GRIK2: variants seen among roughly 807,000 people sequenced by gnomAD.
GRIK2 encodes glutamate receptor ionotropic, kainate 2.
A neutral mutation model predicts 100.3 loss-of-function variants in GRIK2; 32 were observed. The observed-to-expected ratio is 0.32, with a 90% CI of 0.24 to 0.43. GRIK2 has a LOEUF of 0.43. GRIK2 is among the 20% of genes least tolerant of loss of function. GRIK2 has a pLI of 1.00. For synonymous variants in GRIK2, 417 were observed against 389.4 expected (o/e 1.07, Z -0.83); for missense variants, 843 against 1,114.9 (o/e 0.76, Z 3.47).
chr6:101,808,662 A>G (rs1363128663), intron 9 of GRIK2, among the ~76,000 whole-genome samples: 1 of 152,010 alleles, frequency 6.6e-6, no homozygotes, highest in African/African-American at 2.4e-5. Flanking sequence ...TTAAATGAAA[A>G]TAGACATTGG....
At chr6:101,436,797 AT>A (rs932544642) in intron 2 of GRIK2, among the ~76,000 whole-genome samples, 2 of 150,692 alleles carry the variant, frequency 1.3e-5, no homozygotes, top group African/African-American at 4.8e-5. Flanking sequence ...TATTATTATT[AT>A]TTTTTATTAT....
chr6:101,792,825 C>T (rs1311752743), intron 7 of GRIK2, among the ~76,000 whole-genome samples: 3 of 152,022 alleles, frequency 2.0e-5, no homozygotes, highest in Admixed American at 1.3e-4. Flanking sequence ...TTCCATTCTC[C>T]CCGTCTCTTT....
At chr6:101,502,186 A>T (rs1157434841) in intron 2 of GRIK2, among the ~76,000 whole-genome samples, 1 of 152,186 alleles carries the variant, frequency 6.6e-6, no homozygotes, top group Non-Finnish European at 1.5e-5. Flanking sequence ...TGTTGGTAAA[A>T]ATATTCATTA....
At chr6:101,542,660 A>C (rs955842812) in intron 2 of GRIK2, among the ~76,000 whole-genome samples, 6 of 152,120 alleles carry the variant, frequency 3.9e-5, no homozygotes, top group Non-Finnish European at 7.4e-5. Context: ...GCTACTTACA[A>C]ATAGCTGTTT....
chr6:101,783,443 T>A (rs2128403033), intron 7 of GRIK2, among the ~76,000 whole-genome samples: 1 of 152,318 alleles, frequency 6.6e-6, no homozygotes, highest in South Asian at 2.1e-4. Flanking sequence ...ATCTCTTTTG[T>A]TTCTAAATTA....
At chr6:101,745,739 AT>A (rs1311800973) in intron 7 of GRIK2, among the ~76,000 whole-genome samples, 1 of 152,082 alleles carries the variant, frequency 6.6e-6, no homozygotes, top group Non-Finnish European at 1.5e-5. Context: ...CTGCAGCTAT[AT>A]TTTTAGATGT....
At chr6:101,794,360 C>T (rs1780138940) in intron 7 of GRIK2, among the ~76,000 whole-genome samples, 1 of 151,968 alleles carries the variant, frequency 6.6e-6, no homozygotes, top group Non-Finnish European at 1.5e-5. Flanking sequence ...TGGCTTCTCC[C>T]CGAGATGAAT....
At chr6:101,585,089 G>A (rs750342597) in intron 2 of GRIK2, among the ~76,000 whole-genome samples, 19 of 151,914 alleles carry the variant, frequency 1.3e-4, no homozygotes, top group Non-Finnish European at 2.5e-4. Flanking sequence ...GAATAATTGA[G>A]CAAGTTTATA....
At chr6:101,399,931 T>A (rs1775196805) in intron 2 of GRIK2, among the ~76,000 whole-genome samples, 1 of 152,242 alleles carries the variant, frequency 6.6e-6, no homozygotes, top group African/African-American at 2.4e-5. Context: ...TTCACCGCTT[T>A]TCCAGTCCCT....
chr6:101,660,377 CT>C (rs35949695), intron 4 of GRIK2, among the ~76,000 whole-genome samples: 2 of 152,144 alleles, frequency 1.3e-5, no homozygotes, highest in South Asian at 2.1e-4. Context: ...TTCCTCTAAC[CT>C]TTTTTTAAGG....
intron 16 of GRIK2, among the ~76,000 whole-genome samples, chr6:102,056,738 A>G (rs1771480515): frequency 6.6e-6 from 1 of 151,928 alleles, no homozygotes; most frequent in South Asian, 2.1e-4. Flanking sequence ...TTTATCTCTA[A>G]TAACTTATGT....
chr6:101,911,821 C>A (rs1174636865), intron 12 of GRIK2, among the ~76,000 whole-genome samples: 1 of 151,342 alleles, frequency 6.6e-6, no homozygotes, highest in Non-Finnish European at 1.5e-5. Context: ...TCTTATTACA[C>A]AATAATACAC....
At chr6:101,803,663 A>T (rs1780811826) in intron 9 of GRIK2, among the ~76,000 whole-genome samples, 1 of 151,754 alleles carries the variant, frequency 6.6e-6, no homozygotes, top group Admixed American at 6.6e-5. Flanking sequence ...TTATTACTTT[A>T]TTTATTTATT....
At chr6:101,419,401 A>G (rs1260250973) in intron 2 of GRIK2, among the ~76,000 whole-genome samples, 5 of 152,132 alleles carry the variant, frequency 3.3e-5, no homozygotes, top group Admixed American at 6.6e-5. Context: ...GCCTCTTGGG[A>G]ACATACAAAG....
chr6:101,536,825 T>A (rs1775721114), intron 2 of GRIK2, among the ~76,000 whole-genome samples: 2 of 151,746 alleles, frequency 1.3e-5, no homozygotes, highest in Admixed American at 1.3e-4. Flanking sequence ...ATAATAATTC[T>A]TAGTCAAAAG....
At chr6:101,761,055 A>G (rs1777626295) in intron 7 of GRIK2, among the ~76,000 whole-genome samples, 1 of 152,162 alleles carries the variant, frequency 6.6e-6, no homozygotes, top group Non-Finnish European at 1.5e-5. Flanking sequence ...ATCCAAAGAC[A>G]GTTAAATGGT....
At chr6:101,402,151 G>A (rs892575463) in intron 2 of GRIK2, among the ~76,000 whole-genome samples, 1 of 152,002 alleles carries the variant, frequency 6.6e-6, no homozygotes. Flanking sequence ...CCCTTGCCAC[G>A]TCCCTCGCCT....
chr6:101,533,370 A>C (rs980731770), intron 2 of GRIK2, among the ~76,000 whole-genome samples: 1 of 151,742 alleles, frequency 6.6e-6, no homozygotes, highest in Admixed American at 6.6e-5. Context: ...TATAGGGATT[A>C]ATGTATCAAT....
At chr6:101,904,666 A>G (rs1788104087) in intron 12 of GRIK2, among the ~76,000 whole-genome samples, 1 of 151,506 alleles carries the variant, frequency 6.6e-6, no homozygotes, top group African/African-American at 2.4e-5. Flanking sequence ...CCTAGCAAAC[A>G]AATTCCCCTT....
Sources: gnomAD v4.1 joint callset for allele counts (sites outside exome capture counted in the v4.1 genomes callset) on GRCh38, gnomAD v4.1.1 for gene constraint, MANE v1.5 for transcripts, NCBI Gene and HGNC (gene_info 2026-07-23, HGNC 2026-07-21) for gene names.